The following CTSO variants were observed in gnomAD, a reference collection of about 807,000 sequenced individuals.
CTSO encodes the protein cathepsin O.
In CTSO, 40 loss-of-function variants were observed where a neutral mutation model predicts 42.4. The observed-to-expected ratio is 0.94, with a 90% CI of 0.73 to 1.23. The LOEUF is 1.23. CTSO is among the 50% of genes most tolerant of loss of function. The probability of loss-of-function intolerance (pLI) is 0.00; values close to 1 mark genes in which losing one functional copy is unlikely to be tolerated. For synonymous variants in CTSO, 156 were observed against 146.2 expected (o/e 1.07, Z -0.48); for missense variants, 441 against 396.0 (o/e 1.11, Z -0.96).
chr4:155,929,385 C>T (rs572646583), intron 6 of CTSO, among the ~76,000 whole-genome samples, 157 bp downstream of exon 6: 117 of 152,150 alleles, frequency 7.7e-4, no homozygotes, highest in Non-Finnish European at 1.4e-3. Context: ...GAGCTGGTCT[C>T]GGCACATTTA....
chr4:155,935,555 C>T (rs1179897504), intron 5 of CTSO, among the ~76,000 whole-genome samples: 12 of 152,042 alleles, frequency 7.9e-5, no homozygotes, highest in Admixed American at 7.9e-4. Context: ...GTGAGTGAGG[C>T]CCTGCCAGGC....
rs112130379 is a variant in CTSO at position 155,943,016 on chromosome 4, G to C, written c.244+140C>G. On this transcript the variant is annotated intron_variant, in intron 2 of 7. Transcript: ENST00000433477. ...ATTTATTTTCTTATGTGAGCACATGGTACATGCCTGACATTTAGTAGACAC... is the reference window on the plus strand; with the variant it reads ...ATTTATTTTCTTATGTGAGCACATGCTACATGCCTGACATTTAGTAGACAC... 1,769 of 603,114 alleles carry C rather than the reference G, an allele frequency of 2.9e-3. 24 individuals carry two copies. In the African/African-American group the frequency reaches 0.03, roughly 10 times the overall value. The allele number at this position is 603,114 out of a possible 1,614,324, so 37.4% of individuals were successfully genotyped here.
At chr4:155,949,815 T>A (rs10027171) in intron 1 of CTSO, among the ~76,000 whole-genome samples, 17,885 of 152,244 alleles carry the variant, frequency 0.12, 1,218 homozygotes, top group Middle Eastern at 0.26. Context: ...AGGATAATTT[T>A]GTCCCTCATT....
chr4:155,934,562 C>A (rs1743296173), intron 5 of CTSO, among the ~76,000 whole-genome samples: 1 of 152,172 alleles, frequency 6.6e-6, no homozygotes, highest in Non-Finnish European at 1.5e-5. Flanking sequence ...GGAGGCTGTA[C>A]CCTGCAAAGC....
rs777630281 is a variant in CTSO at position 155,937,401 on chromosome 4, G to A, written c.635C>T (p.Ser212Phe). 4 of 1,611,578 alleles carry A rather than the reference G, an allele frequency of 2.5e-6. No individual in the cohort carries two copies. The highest frequency in any genetic ancestry group is 3.4e-6 in the Non-Finnish European group (4 of 1,177,920). Residue 212 changes from serine to phenylalanine, a missense_variant, in exon 5 of 8, where the codon TCT becomes TTT. Transcript: ENST00000433477. The stretch of plus-strand genomic sequence containing the variant: ...AGAATAACCTTTGATTGAAAATCCA[G>A]AATGTGAACCAGAAAAGTAATGGCA... ...GLCHYFSGSH[S>F]GFSIKGYSAY...
intron 1 of CTSO, among the ~76,000 whole-genome samples, chr4:155,943,742 A>G (rs1182622007): frequency 1.3e-5 from 2 of 152,186 alleles, no homozygotes; most frequent in Non-Finnish European, 2.9e-5. Context: ...TAATAAATCA[A>G]TCTGATTCTA....
At chr4:155,951,528 A>G (rs1743673522) in intron 1 of CTSO, among the ~76,000 whole-genome samples, 1 of 152,190 alleles carries the variant, frequency 6.6e-6, no homozygotes, top group Non-Finnish European at 1.5e-5. Flanking sequence ...TGGGAAAGTC[A>G]TGGGCTAACC....
chr4:155,951,679 C>T (rs10002427), intron 1 of CTSO, among the ~76,000 whole-genome samples: 24,092 of 152,052 alleles, frequency 0.16, 2,251 homozygotes, highest in African/African-American at 0.25. Context: ...TTTCTTGAAC[C>T]AGATCTTCAG....
intron 1 of CTSO, among the ~76,000 whole-genome samples, chr4:155,949,875 C>T (rs1337072112): frequency 6.6e-6 from 1 of 152,188 alleles, no homozygotes; most frequent in Non-Finnish European, 1.5e-5. Context: ...GCATCTGGTG[C>T]ATAGAGCCCA....
intron 5 of CTSO, among the ~76,000 whole-genome samples, chr4:155,936,725 C>T (rs1743337933): frequency 6.6e-6 from 1 of 152,214 alleles, no homozygotes; most frequent in Non-Finnish European, 1.5e-5. Flanking sequence ...AGTTCCAACA[C>T]AAGTCCTTTT....
chr4:155,929,455 C>T, intron 6 of CTSO, 87 bp downstream of exon 6: 1 of 1,381,724 alleles, frequency 7.2e-7, no homozygotes, highest in South Asian at 1.4e-5. Flanking sequence ...ATAGCAGAAC[C>T]AAATTTCAAT....
intron 4 of CTSO, among the ~76,000 whole-genome samples, chr4:155,937,773 C>T (rs1022064296): frequency 6.6e-5 from 10 of 152,000 alleles, no homozygotes; most frequent in African/African-American, 2.4e-4. Context: ...AGCCACCACG[C>T]CAGGCTAATT....
Position 155,953,747 on chromosome 4 carries a change from G to T in CTSO, c.101C>A (p.Pro34Gln). Reference sequence around the variant, plus strand: ...GGCGGCTTCACGCTCGCGGCTCCGCGGCCAGGTCGGGGTGAAGGGGGCGCG... The same window carrying T: ...GGCGGCTTCACGCTCGCGGCTCCGCTGCCAGGTCGGGGTGAAGGGGGCGCG... ...DSRAPFTPTW[P>Q]RSREREAAAF... is the part of the protein sequence containing the mutation. Residue 34 changes from proline to glutamine, a missense_variant, in exon 1 of 8, where the codon CCG (proline) becomes CAG (glutamine). Coordinates refer to ENST00000433477, the MANE Select transcript of CTSO (RefSeq NM_001334.3). 7.8e-7 allele frequency: 1 copy of T among 1,283,392 alleles called. No homozygotes were observed. The highest frequency in any genetic ancestry group is 9.8e-7 in the Non-Finnish European group (1 of 1,015,386). The allele number at this position is 1,283,392 out of a possible 1,614,324, so 79.5% of individuals were successfully genotyped here.
chr4:155,948,805 T>G (rs1469158664), intron 1 of CTSO, among the ~76,000 whole-genome samples: 1 of 152,086 alleles, frequency 6.6e-6, no homozygotes, highest in Non-Finnish European at 1.5e-5. Context: ...CCGGCTAGGG[T>G]AAGTTAAGAG....
Position 155,937,418 on chromosome 4 carries a change from G to A in CTSO, c.618C>T (p.Tyr206=), listed in dbSNP as rs150623992. ...AAAATCCAGAATGTGAACCAGAAAA[G>A]TAATGGCACAGACCATTTTGTGCTT... ...PFKAQNGLCH[Y]FSGSHSGFSI... The change falls in exon 5 of 8, where the codon TAC becomes TAT. Residue 206 remains tyrosine, a synonymous_variant. Transcript: ENST00000433477. The A allele has an allele frequency of 1.1e-4, 181 of 1,612,110 alleles. No individual in the cohort carries two copies. Among genetic ancestry groups the A allele is most frequent in the Non-Finnish European group, 1.5e-4 (171 of 1,178,444 alleles).
Position 155,925,955 on chromosome 4 carries a change from G to C in CTSO, c.*81C>G. 2 of 1,208,274 alleles carry C rather than the reference G, an allele frequency of 1.7e-6. No homozygotes were observed. Among genetic ancestry groups the C allele is most frequent in the Non-Finnish European group, 2.4e-6 (2 of 835,504 alleles). The allele number at this position is 1,208,274 out of a possible 1,614,324, so 74.8% of individuals were successfully genotyped here. A position where few individuals can be genotyped will look rare whatever the true frequency, so the allele number is the denominator to read the frequency against. ...TAGGTAGTTGCTGAAACTTGAAGTTGAATAATACTTTGAAGTACTATGTTA... is the reference window on the plus strand; with the variant it reads ...TAGGTAGTTGCTGAAACTTGAAGTTCAATAATACTTTGAAGTACTATGTTA... On this transcript the variant is annotated 3_prime_UTR_variant, in exon 8 of 8. Transcript: ENST00000433477.
At chr4:155,933,625 T>A (rs1743274161) in intron 5 of CTSO, among the ~76,000 whole-genome samples, 1 of 152,146 alleles carries the variant, frequency 6.6e-6, no homozygotes, top group Non-Finnish European at 1.5e-5. Context: ...ATGCCAATAG[T>A]GATATGAACA....
In CTSO at chr4:155,939,369, A is replaced by G. The variant is rs761046637; in HGVS notation, c.552+2T>C. 1.3e-6 allele frequency: 2 copies of G among 1,596,970 alleles called. No homozygotes were observed. Among genetic ancestry groups the G allele is most frequent in the Admixed American group, 3.4e-5 (2 of 59,154 alleles). ...AGTTTAAGAGGTTGAGAGACTAGTC[A>G]CCTTGTTTAACCAGTTCAAAGCATT... On this transcript the variant is annotated splice_donor_variant, in intron 4 of 7. Coordinates refer to ENST00000433477, the MANE Select transcript of CTSO (RefSeq NM_001334.3). LOFTEE classifies it high-confidence loss of function.
At chr4:155,941,563 T>C (rs191694500) in intron 3 of CTSO, among the ~76,000 whole-genome samples, 13 of 152,348 alleles carry the variant, frequency 8.5e-5, no homozygotes, top group Admixed American at 7.8e-4. Flanking sequence ...ACATATTTCT[T>C]AATCAGTAAA....
Sources: allele counts gnomAD v4.1 joint callset (sites outside exome capture counted in the v4.1 genomes callset), GRCh38; gene constraint gnomAD v4.1.1; transcripts MANE v1.5; gene names NCBI Gene and HGNC (gene_info 2026-07-23, HGNC 2026-07-21).